The following EAPP variants were observed in gnomAD, a reference collection of about 807,000 sequenced individuals.
EAPP encodes E2F-associated phosphoprotein.
Under a neutral mutation model 34.3 loss-of-function variants are expected in EAPP, and 38 were observed. The observed-to-expected ratio is 1.11, with a 90% CI of 0.85 to 1.45. EAPP has a LOEUF of 1.45. Among genes scored for constraint, EAPP ranks in the 40% most tolerant of loss-of-function variants. The pLI, the probability that EAPP is intolerant of heterozygous loss-of-function variation, is 0.00. For synonymous variants in EAPP, 113 were observed against 117.6 expected, an observed-to-expected ratio of 0.96 and a Z score of 0.25; for missense variants, 338 against 343.7, an observed-to-expected ratio of 0.98 and a Z score of 0.13.
At chr14:34,531,475 A>G (rs1594667744) in intron 3 of EAPP, among the ~76,000 whole-genome samples, 1 of 146,728 alleles carries the variant, frequency 6.8e-6, no homozygotes, top group East Asian at 2.1e-4. Flanking sequence ...GGTGACGGGC[A>G]CCTGTAGTCC....
At chr14:34,518,621 G>C (rs1879816176) in intron 5 of EAPP, among the ~76,000 whole-genome samples, 1 of 152,088 alleles carries the variant, frequency 6.6e-6, no homozygotes, top group Non-Finnish European at 1.5e-5. Flanking sequence ...GTGAGCCACT[G>C]CGCCCAGCCC....
chr14:34,516,705 G>T, intron 5 of EAPP, 119 bp from the exon 6 acceptor site: 2 of 1,011,622 alleles, frequency 2.0e-6, no homozygotes, highest in African/African-American at 1.6e-5. Flanking sequence ...ACAAGACACA[G>T]GAACAAAACA....
chr14:34,531,045 C>A (rs1880272795), intron 3 of EAPP, among the ~76,000 whole-genome samples: 1 of 152,006 alleles, frequency 6.6e-6, no homozygotes, highest in Non-Finnish European at 1.5e-5. Flanking sequence ...TGGCTCATGC[C>A]TGTAATCCCA....
intron 5 of EAPP, among the ~76,000 whole-genome samples, chr14:34,519,885 CTTT>C (rs763536134): frequency 6.0e-5 from 8 of 133,684 alleles, no homozygotes; most frequent in Non-Finnish European, 9.7e-5. Flanking sequence ...TCTTTCTTTT[CTTT>C]TTTTTTTTTT....
chr14:34,531,900 C>G (rs939689813), intron 3 of EAPP, among the ~76,000 whole-genome samples: 8 of 151,180 alleles, frequency 5.3e-5, no homozygotes, highest in African/African-American at 1.9e-4. Flanking sequence ...CACAGTGAAA[C>G]CCCTTCTCTA....
At chr14:34,536,399 C>A in intron 1 of EAPP, 124 bp from the exon 2 acceptor site, 1 of 599,286 alleles carries the variant, frequency 1.7e-6, no homozygotes, top group Non-Finnish European at 2.7e-6. Flanking sequence ...TGTACTTATA[C>A]ATTACATATA....
At chr14:34,539,490 A>G (rs1194570502) in intron 1 of EAPP, 65 bp downstream of exon 1, 1 of 1,541,208 alleles carries the variant, frequency 6.5e-7, no homozygotes, top group Non-Finnish European at 8.9e-7. Context: ...GGCGCAACGA[A>G]TGGAGGCGAC....
intron 5 of EAPP, 74 bp downstream of exon 5, chr14:34,524,623 A>C: frequency 8.3e-7 from 1 of 1,201,628 alleles, no homozygotes. Flanking sequence ...CTTCAAAAAA[A>C]AAAAAGTCTG....
At chr14:34,525,487 G>GA (rs1951250254) in intron 4 of EAPP, among the ~76,000 whole-genome samples, 1 of 151,966 alleles carries the variant, frequency 6.6e-6, no homozygotes, top group African/African-American at 2.4e-5. Flanking sequence ...CTAATTATGA[G>GA]AAAAAACAAC....
intron 2 of EAPP, 68 bp downstream of exon 2, chr14:34,536,026 A>G (rs1880459042): frequency 1.8e-6 from 2 of 1,129,382 alleles, no homozygotes; most frequent in African/African-American, 1.6e-5. Context: ...AACATAGAAG[A>G]GCACAAATAA....
At chr14:34,529,605 C>T (rs541166502) in intron 3 of EAPP, 130 bp from the exon 4 acceptor site, 16 of 692,844 alleles carry the variant, frequency 2.3e-5, no homozygotes, top group South Asian at 1.9e-4. Flanking sequence ...AAGGGACGGG[C>T]GCAGTGGCTC....
At chr14:34,530,011 C>T (rs960767520) in intron 3 of EAPP, among the ~76,000 whole-genome samples, 1 of 127,684 alleles carries the variant, frequency 7.8e-6, no homozygotes, top group Non-Finnish European at 1.7e-5. Context: ...AGCGAGACTC[C>T]GTTTCAAAGA....
chr14:34,524,880 T>C (rs1880045909), intron 4 of EAPP, 73 bp from the exon 5 acceptor site: 2 of 1,195,298 alleles, frequency 1.7e-6, no homozygotes, highest in Non-Finnish European at 2.5e-6. Context: ...CATTTTCCAA[T>C]AAAAAGAACC....
At chr14:34,535,509 T>G (rs1294298817) in intron 2 of EAPP, among the ~76,000 whole-genome samples, 5 of 148,822 alleles carry the variant, frequency 3.4e-5, no homozygotes, top group African/African-American at 1.2e-4. Flanking sequence ...CTCAGCTCAC[T>G]GCAAGCTCCG....
chr14:34,531,833 T>A (rs1030065138), intron 3 of EAPP, among the ~76,000 whole-genome samples: 7 of 151,742 alleles, frequency 4.6e-5, no homozygotes, highest in African/African-American at 1.7e-4. Context: ...TCCCAACACT[T>A]TGGGAGGCCG....
chr14:34,517,868 G>A (rs375778000), intron 5 of EAPP, among the ~76,000 whole-genome samples: 4 of 150,836 alleles, frequency 2.7e-5, no homozygotes, highest in Admixed American at 1.3e-4. Context: ...TCTGCCTCCC[G>A]GGTTCAAGCG....
In EAPP at chr14:34,529,442, T is replaced by C; in HGVS notation, c.386A>G (p.His129Arg). ...QVTKKKKKKQ[H>R]KIPTNDELLY... ...TAATTCGTCATTTGTTGGAATCTTG[T>C]GTTGTTTCTTCTTTTTTTTCTTGGT... The change falls in exon 4 of 6, where the codon CAC becomes CGC. Residue 129 changes from histidine (H) to arginine (R), a missense_variant. His to Arg is a conservative substitution (Grantham distance 29). Transcript: ENST00000250454. 6.2e-7 allele frequency: 1 copy of C among 1,612,950 alleles called. No individual in the cohort carries two copies. The highest frequency in any genetic ancestry group is 8.5e-7 in the Non-Finnish European group (1 of 1,179,788).
At chr14:34,527,250 C>T (rs61981526) in intron 4 of EAPP, among the ~76,000 whole-genome samples, 2,856 of 151,728 alleles carry the variant, frequency 0.019, 46 homozygotes, top group South Asian at 0.044. Context: ...GGAGGATCAC[C>T]TGGGGCCAGG....
At chr14:34,538,233 G>A (rs1328399256) in intron 1 of EAPP, among the ~76,000 whole-genome samples, 1 of 152,032 alleles carries the variant, frequency 6.6e-6, no homozygotes, top group Non-Finnish European at 1.5e-5. Context: ...CAAAAAATAA[G>A]CCAGGTGTGG....
Sources: gnomAD v4.1 joint callset for allele counts (sites outside exome capture counted in the v4.1 genomes callset) on GRCh38, gnomAD v4.1.1 for gene constraint, MANE v1.5 for transcripts, NCBI Gene and HGNC (gene_info 2026-07-23, HGNC 2026-07-21) for gene names.